MAPK6: variants seen among roughly 807,000 people sequenced by gnomAD.
MAPK6 encodes the protein mitogen-activated protein kinase 6, also known as ERK-3.
Under a neutral mutation model 59.3 loss-of-function variants are expected in MAPK6, and 19 were observed. The observed-to-expected ratio is 0.32, with a 90% CI of 0.22 to 0.47. MAPK6 has a LOEUF of 0.47. Among genes scored for constraint, MAPK6 ranks in the 20% least tolerant of loss-of-function variants. MAPK6 has a pLI of 1.00. For missense variants in MAPK6, 724 were observed against 847.9 expected (o/e 0.85, Z 1.81); for synonymous variants, 316 against 290.3 (o/e 1.09, Z -0.90).
intron 1 of MAPK6, among the ~76,000 whole-genome samples, chr15:51,981,491 A>G (rs2057173412): frequency 6.6e-6 from 1 of 150,446 alleles, no homozygotes; most frequent in Non-Finnish European, 1.5e-5. Context: ...AAAGAAAAAG[A>G]AAAAAAAGAA....
At chr15:51,975,597 T>C (rs1474366307) in intron 1 of MAPK6, among the ~76,000 whole-genome samples, 1 of 151,812 alleles carries the variant, frequency 6.6e-6, no homozygotes, top group Non-Finnish European at 1.5e-5. Flanking sequence ...GAATATATGT[T>C]TTTAAATTTG....
At position 51,976,115 on chromosome 15, in the gene MAPK6, A is replaced by C. The variant is rs1338923767; in HGVS notation, c.-880+4209A>C. 7.1e-3 allele frequency among the ~76,000 whole-genome samples: 1,071 copies of C among 151,440 alleles called. 12 individuals carry two copies. Among genetic ancestry groups the C allele is most frequent in the African/African-American group, 0.025 (1,025 of 41,416 alleles). On this transcript the variant is annotated intron_variant, in intron 1 of 7. Coordinates refer to the MAPK6 transcript ENST00000691380. ...CCCCATCTGTACTAAAAATATAAAA[A>C]ATTTGCCGGGCGTGGTGGCACATGC...
chr15:52,064,338 A>G lies in MAPK6; in HGVS notation c.1504A>G (p.Lys502Glu). ...AAAATGTGAAAGGAATGGATTGGTT[A>G]AAGCCCAGATAGCGCTAGAGGAAGC... ...KSKCERNGLV[K>E]AQIALEEASQ... Residue 502 changes from lysine (K) to glutamate (E), a missense_variant, in exon 6 of 6, where the codon AAA (lysine) becomes GAA (glutamate). By Grantham distance (56) the Lys-to-Glu change is moderately conservative. Around this residue, in one of 4 missense-constraint regions of MAPK6, gnomAD observed 502 missense variants for 507.6 expected, o/e 0.99. Coordinates refer to ENST00000261845, the MANE Select transcript of MAPK6 (RefSeq NM_002748.4). 1 of 1,611,304 alleles carries G rather than the reference A, an allele frequency of 6.2e-7. No individual in the cohort carries two copies. The highest frequency in any genetic ancestry group is 8.5e-7 in the Non-Finnish European group (1 of 1,179,550).
intron 3 of MAPK6, among the ~76,000 whole-genome samples, chr15:52,008,564 C>T (rs1353402551): frequency 6.6e-6 from 1 of 152,196 alleles, no homozygotes; most frequent in South Asian, 2.1e-4. Context: ...ATACTTATTG[C>T]ATCTATCTCC....
upstream of MAPK6, among the ~76,000 whole-genome samples, chr15:52,018,289 A>G (rs2030339306): frequency 6.6e-6 from 1 of 152,126 alleles, no homozygotes; most frequent in Non-Finnish European, 1.5e-5. Flanking sequence ...TCGGCCTCCC[A>G]AAGTGCTAGG....
chr15:52,050,553 C>T (rs2031744441), intron 3 of MAPK6, among the ~76,000 whole-genome samples: 1 of 152,136 alleles, frequency 6.6e-6, no homozygotes, highest in Non-Finnish European at 1.5e-5. Context: ...ATTTAGAAGT[C>T]TAAAGAAGTG....
At chr15:52,019,217 CT>C (rs1566900810), upstream of MAPK6, 1 of 152,140 alleles carries the variant, frequency 6.6e-6, no homozygotes, top group African/African-American at 2.4e-5. Flanking sequence ...GCCCCGCCCC[CT>C]CTTCCTCGCC....
At chr15:52,013,060 T>C (rs1314296765) in intron 3 of MAPK6, among the ~76,000 whole-genome samples, 6 of 113,338 alleles carry the variant, frequency 5.3e-5, no homozygotes, top group Admixed American at 1.8e-4. Context: ...TATATATATA[T>C]TACACAAGAC....
intron 1 of MAPK6, among the ~76,000 whole-genome samples, chr15:51,980,744 C>T (rs932859297): frequency 2.6e-5 from 4 of 151,102 alleles, no homozygotes; most frequent in African/African-American, 9.7e-5. Flanking sequence ...GCGCATACCA[C>T]CACGCCCAGC....
chr15:52,000,462 T>C (rs2057238796), intron 2 of MAPK6, among the ~76,000 whole-genome samples: 1 of 152,218 alleles, frequency 6.6e-6, no homozygotes, highest in East Asian at 1.9e-4. Flanking sequence ...TCCAATTTCA[T>C]TTTTTTGCAT....
chr15:52,014,878 C>G (rs1307092426), upstream of MAPK6, among the ~76,000 whole-genome samples: 3 of 152,094 alleles, frequency 2.0e-5, no homozygotes, highest in African/African-American at 7.2e-5. Flanking sequence ...TTCTTCTGGG[C>G]AATGCTCTCT....
At chr15:52,060,473 G>A (rs562496594) in intron 4 of MAPK6, among the ~76,000 whole-genome samples, 9 of 152,272 alleles carry the variant, frequency 5.9e-5, no homozygotes, top group African/African-American at 2.2e-4. Context: ...AAATTGTTTA[G>A]TATGAATTTG....
chr15:52,059,999 G>A (rs778108136), intron 4 of MAPK6, among the ~76,000 whole-genome samples: 7 of 152,138 alleles, frequency 4.6e-5, no homozygotes, highest in African/African-American at 1.2e-4. Flanking sequence ...CTGAGTGAAC[G>A]TATAAGACTC....
At chr15:52,034,022 G>A (rs1326383816) in intron 1 of MAPK6, 1 of 149,494 alleles carries the variant, frequency 6.7e-6, no homozygotes, top group East Asian at 2.0e-4. Context: ...TTTTGCTCTT[G>A]TTGCCCAGGC....
At chr15:51,972,813 C>G (rs193140931) in intron 1 of MAPK6, among the ~76,000 whole-genome samples, 2 of 150,620 alleles carry the variant, frequency 1.3e-5, no homozygotes, top group East Asian at 3.9e-4. Context: ...GAGACTCCAT[C>G]TCAAAAAAAT....
At position 52,065,231 on chromosome 15, in the gene MAPK6, A is replaced by C; in HGVS notation, c.*231A>C. 1 of 410,446 alleles carries C rather than the reference A, an allele frequency of 2.4e-6. No homozygotes were observed. The highest frequency in any genetic ancestry group is 4.3e-6 in the Non-Finnish European group (1 of 232,166). 25.4% of individuals were successfully genotyped at this position (410,446 alleles called of 1,614,324 possible). ...ATAAAGACTAGAGCAAAATAATGCA[A>C]CGCAGGAGGAGAAAAGAAATGCACT... On this transcript the variant is annotated 3_prime_UTR_variant, in exon 6 of 6. Transcript: ENST00000261845.
chr15:52,024,678 A>T (rs2030686150), intron 1 of MAPK6: 1 of 151,368 alleles, frequency 6.6e-6, no homozygotes, highest in African/African-American at 2.4e-5. Context: ...CAGCACTCCC[A>T]AAGTGCTGGG....
chr15:51,976,722 A>G (rs2057158593), intron 1 of MAPK6, among the ~76,000 whole-genome samples: 1 of 151,612 alleles, frequency 6.6e-6, no homozygotes, highest in African/African-American at 2.4e-5. Context: ...AGGCAGGCGG[A>G]TCATGAAGTC....
At position 52,051,825 on chromosome 15, in the gene MAPK6, G is replaced by C. The variant is rs1261817869; in HGVS notation, c.700+1688G>C. On this transcript the variant is annotated intron_variant, in intron 3 of 5. Transcript: ENST00000261845. ...GGAGGCAGAGGTTGCAGTGAGCTGG[G>C]ATCGCGCCATTGCACTCCAGCCTGG... 3.3e-5 allele frequency among the ~76,000 whole-genome samples: 5 copies of C among 150,530 alleles called. No individual in the cohort carries two copies. In the East Asian group the frequency reaches 9.8e-4, roughly 29 times the overall value.
Sources: gnomAD v4.1 joint callset for allele counts (sites outside exome capture counted in the v4.1 genomes callset) on GRCh38, gnomAD v4.1.1 for gene constraint, gnomAD v4.1.1 regional missense constraint, MANE v1.5 for transcripts, NCBI Gene and HGNC (gene_info 2026-07-23, HGNC 2026-07-21) for gene names.